Variants in PDE4D observed in about 807,000 individuals in gnomAD.
PDE4D encodes the protein 3',5'-cyclic-AMP phosphodiesterase 4D.
PDE4D carries 24 observed loss-of-function variants against 87.4 expected under a neutral mutation model. The ratio of observed to expected loss-of-function variants is 0.27; its 90% CI spans 0.20 to 0.39. The LOEUF (loss-of-function observed/expected upper bound fraction) is 0.39, where lower values mean the gene tolerates loss of function less well. Among genes scored for constraint, PDE4D ranks in the 10% least tolerant of loss-of-function variants. The probability of loss-of-function intolerance (pLI) is 1.00; values close to 1 mark genes in which losing one functional copy is unlikely to be tolerated. For missense variants in PDE4D, 714 were observed against 1,041.0 expected, an observed-to-expected ratio of 0.69 and a Z score of 4.32; for synonymous variants, 384 against 383.2, an observed-to-expected ratio of 1.00 and a Z score of -0.02.
chr5:59,387,135 G>A (rs1787234596), intron 1 of PDE4D, among the ~76,000 whole-genome samples: 2 of 152,008 alleles, frequency 1.3e-5, no homozygotes, highest in East Asian at 1.9e-4. Flanking sequence ...GTGCCATAAT[G>A]TTCTCTGTGG....
At chr5:60,473,708 T>G (rs1042350958) in intron 1 of PDE4D, among the ~76,000 whole-genome samples, 9 of 152,034 alleles carry the variant, frequency 5.9e-5, no homozygotes, top group African/African-American at 1.7e-4. Context: ...TGGCTCCCCA[T>G]GCCAACCCAA....
intron 1 of PDE4D, among the ~76,000 whole-genome samples, chr5:59,575,808 A>T (rs907637173): frequency 6.6e-6 from 1 of 152,182 alleles, no homozygotes; most frequent in African/African-American, 2.4e-5. Flanking sequence ...GGGCCTGAGT[A>T]AGACAGTCAT....
chr5:59,892,661 T>A (rs1406400629), intron 1 of PDE4D, among the ~76,000 whole-genome samples: 1 of 151,920 alleles, frequency 6.6e-6, no homozygotes, highest in East Asian at 1.9e-4. Flanking sequence ...GGGACCAGGC[T>A]TTCTCACTCC....
chr5:60,047,603 T>G (rs971224971), intron 2 of PDE4D, among the ~76,000 whole-genome samples: 36 of 152,260 alleles, frequency 2.4e-4, no homozygotes, highest in South Asian at 1.9e-3. Flanking sequence ...ACATCTTAAT[T>G]TCTGCCTTCA....
At chr5:59,379,311 T>C (rs2153601923) in intron 1 of PDE4D, among the ~76,000 whole-genome samples, 1 of 152,344 alleles carries the variant, frequency 6.6e-6, no homozygotes, top group Middle Eastern at 3.4e-3. Context: ...AAAAAAGTGC[T>C]GTCAGAATGC....
chr5:59,473,984 C>T (rs998233714), intron 1 of PDE4D, among the ~76,000 whole-genome samples: 1 of 152,092 alleles, frequency 6.6e-6, no homozygotes, highest in African/African-American at 2.4e-5. Context: ...ATAGACAAAC[C>T]AGAATGTACT....
At chr5:60,442,685 A>C (rs1467311488) in intron 1 of PDE4D, among the ~76,000 whole-genome samples, 1 of 152,190 alleles carries the variant, frequency 6.6e-6, no homozygotes, top group African/African-American at 2.4e-5. Context: ...CCTGGGTAAC[A>C]GTAGAAATCA....
intron 5 of PDE4D, among the ~76,000 whole-genome samples, chr5:59,173,771 C>T (rs147566234): frequency 6.6e-6 from 1 of 152,294 alleles, no homozygotes; most frequent in Non-Finnish European, 1.5e-5. Flanking sequence ...AGTAGGGCTT[C>T]TCTGGCAATG....
chr5:60,300,273 A>G (rs566300845), intron 1 of PDE4D, among the ~76,000 whole-genome samples: 63 of 152,244 alleles, frequency 4.1e-4, no homozygotes, highest in African/African-American at 1.4e-3. Flanking sequence ...AATGTGTTTA[A>G]GTTCCTTGTA....
At chr5:60,287,256 G>A (rs1309058136) in intron 1 of PDE4D, among the ~76,000 whole-genome samples, 3 of 152,144 alleles carry the variant, frequency 2.0e-5, no homozygotes, top group Non-Finnish European at 4.4e-5. Context: ...ACAAAGCAGT[G>A]TATAAAACAG....
intron 1 of PDE4D, among the ~76,000 whole-genome samples, chr5:59,300,111 C>CAAAAAAAAA (rs58771016): frequency 2.1e-5 from 1 of 48,758 alleles, no homozygotes; most frequent in Non-Finnish European, 3.5e-5. Context: ...GGGTCTGTCT[C>CAAAAAAAAA]AAAAAAAAAA....
intron 1 of PDE4D, among the ~76,000 whole-genome samples, chr5:59,371,576 C>T (rs1341338664): frequency 1.3e-5 from 2 of 152,104 alleles, no homozygotes; most frequent in Non-Finnish European, 2.9e-5. Flanking sequence ...CGATGTTAAA[C>T]TACCACACTT....
intron 1 of PDE4D, among the ~76,000 whole-genome samples, chr5:60,452,941 C>T (rs1272754414): frequency 6.6e-6 from 1 of 152,122 alleles, no homozygotes; most frequent in Non-Finnish European, 1.5e-5. Context: ...GTTCAAATGC[C>T]TCCACAATCC....
intron 1 of PDE4D, among the ~76,000 whole-genome samples, chr5:59,388,879 T>A (rs1195649190): frequency 3.3e-5 from 5 of 152,108 alleles, no homozygotes; most frequent in African/African-American, 9.6e-5. Flanking sequence ...TATTTCATCA[T>A]GATTTGATCT....
intron 5 of PDE4D, among the ~76,000 whole-genome samples, chr5:59,115,550 C>G (rs1178297849): frequency 6.6e-6 from 1 of 152,126 alleles, no homozygotes; most frequent in African/African-American, 2.4e-5. Flanking sequence ...TATGAACATA[C>G]ATTTCTCTGG....
intron 5 of PDE4D, among the ~76,000 whole-genome samples, chr5:59,122,141 C>CAAAAAAA (rs56284898): frequency 7.0e-5 from 5 of 71,588 alleles, no homozygotes; most frequent in East Asian, 5.5e-4. Flanking sequence ...GACTCTATCT[C>CAAAAAAA]AAAAAAAAAA....
chr5:60,444,074 G>A (rs924982213), intron 1 of PDE4D, among the ~76,000 whole-genome samples: 4 of 151,732 alleles, frequency 2.6e-5, no homozygotes, highest in Non-Finnish European at 5.9e-5. Context: ...GGTCCTCCAT[G>A]TTATAAACAC....
intron 1 of PDE4D, among the ~76,000 whole-genome samples, chr5:59,733,458 A>G (rs954259384): frequency 6.6e-6 from 1 of 152,108 alleles, no homozygotes; most frequent in Non-Finnish European, 1.5e-5. Context: ...TGTCTCCCAT[A>G]CCCCAATAAG....
intron 1 of PDE4D, among the ~76,000 whole-genome samples, chr5:60,241,014 A>G (rs1461901842): frequency 6.6e-6 from 1 of 152,090 alleles, no homozygotes; most frequent in African/African-American, 2.4e-5. Context: ...ACATGACCTC[A>G]CCAAACAATC....
Sources: allele counts gnomAD v4.1 joint callset (sites outside exome capture counted in the v4.1 genomes callset), GRCh38; gene constraint gnomAD v4.1.1; transcripts MANE v1.5; gene names NCBI Gene and HGNC (gene_info 2026-07-23, HGNC 2026-07-21).